The following MAP2 variants were observed in gnomAD, a reference collection of about 807,000 sequenced individuals.
MAP2 encodes microtubule-associated protein 2.
Under a neutral mutation model 137.6 loss-of-function variants are expected in MAP2, and 14 were observed. The observed-to-expected ratio is 0.10, with a 90% confidence interval of 0.07 to 0.16. MAP2 has a LOEUF of 0.16. Among genes scored for constraint, MAP2 ranks in the 10% least tolerant of loss-of-function variants. MAP2 has a pLI of 1.00. For missense variants in MAP2, 2,088 were observed against 2,191.5 expected (o/e 0.95, Z 0.94); for synonymous variants, 786 against 782.3 (o/e 1.00, Z -0.08).
chr2:209,498,937 T>C (rs2198476), intron 1 of MAP2, among the ~76,000 whole-genome samples: 125,155 of 152,110 alleles, frequency 0.82, 52,609 homozygotes, highest in Non-Finnish European at 0.93. Flanking sequence ...GCTGTGAGTG[T>C]TTGGTGGGGT....
intron 3 of MAP2, among the ~76,000 whole-genome samples, chr2:209,597,932 A>G (rs113460840): frequency 6.6e-6 from 1 of 152,004 alleles, no homozygotes; most frequent in African/African-American, 2.4e-5. Flanking sequence ...TCTCTCACTT[A>G]TATTTATCAG....
chr2:209,560,604 T>C (rs1162382190), intron 2 of MAP2, among the ~76,000 whole-genome samples: 1 of 151,724 alleles, frequency 6.6e-6, no homozygotes, highest in Admixed American at 6.6e-5. Flanking sequence ...CCTCAGGCTC[T>C]CAAAGTGCGG....
intron 3 of MAP2, among the ~76,000 whole-genome samples, chr2:209,595,105 A>G (rs2080891748): frequency 1.3e-5 from 2 of 152,188 alleles, no homozygotes; most frequent in South Asian, 2.1e-4. Flanking sequence ...GCACATTGGT[A>G]TATTTTTCAC....
intron 4 of MAP2, among the ~76,000 whole-genome samples, chr2:209,630,171 T>G (rs2092833892): frequency 1.3e-5 from 2 of 151,880 alleles, no homozygotes; most frequent in Admixed American, 6.6e-5. Context: ...GGAAGATTAT[T>G]TTATGGTTGC....
At chr2:209,609,278 A>T (rs1371421152) in intron 3 of MAP2, among the ~76,000 whole-genome samples, 1 of 152,156 alleles carries the variant, frequency 6.6e-6, no homozygotes, top group South Asian at 2.1e-4. Flanking sequence ...TGATTTTTCT[A>T]TCAAAATCAT....
chr2:209,540,756 C>T (rs535885029), intron 2 of MAP2, among the ~76,000 whole-genome samples: 21 of 149,008 alleles, frequency 1.4e-4, no homozygotes, highest in African/African-American at 5.3e-4. Flanking sequence ...CCTAAATACT[C>T]CAAAGTATCT....
At chr2:209,644,179 A>T (rs1479524019) in intron 4 of MAP2, among the ~76,000 whole-genome samples, 3 of 152,194 alleles carry the variant, frequency 2.0e-5, no homozygotes, top group African/African-American at 7.2e-5. Flanking sequence ...ATCACCAAAG[A>T]TCACTTCAGT....
intron 3 of MAP2, among the ~76,000 whole-genome samples, chr2:209,585,847 A>G (rs1039964373): frequency 1.3e-5 from 2 of 152,188 alleles, no homozygotes; most frequent in African/African-American, 4.8e-5. Context: ...TGGTTTCAAA[A>G]TGAGCCTCGG....
intron 1 of MAP2, among the ~76,000 whole-genome samples, chr2:209,486,400 T>C (rs996482445): frequency 3.3e-5 from 5 of 152,090 alleles, no homozygotes; most frequent in Non-Finnish European, 5.9e-5. Flanking sequence ...GTTTTTTGTA[T>C]TTTAGTAGAG....
At chr2:209,463,292 C>A (rs1703312598) in intron 1 of MAP2, among the ~76,000 whole-genome samples, 1 of 152,134 alleles carries the variant, frequency 6.6e-6, no homozygotes, top group Admixed American at 6.5e-5. Flanking sequence ...CATGCTATTT[C>A]TAATTTGTTT....
intron 7 of MAP2, among the ~76,000 whole-genome samples, chr2:209,691,630 C>T (rs1486638250): frequency 6.6e-6 from 1 of 152,116 alleles, no homozygotes; most frequent in East Asian, 1.9e-4. Context: ...GACCTTAAAA[C>T]ACAAGTGGGA....
chr2:209,551,577 G>T (rs1447169760), intron 2 of MAP2, among the ~76,000 whole-genome samples: 1 of 152,150 alleles, frequency 6.6e-6, no homozygotes, highest in Admixed American at 6.5e-5. Context: ...ACGTAGGCAA[G>T]CTGCATAATG....
intron 1 of MAP2, among the ~76,000 whole-genome samples, chr2:209,489,253 A>G (rs1435111305): frequency 6.6e-6 from 1 of 152,220 alleles, no homozygotes; most frequent in African/African-American, 2.4e-5. Flanking sequence ...AACATCAACA[A>G]AAAGGACAAC....
intron 4 of MAP2, among the ~76,000 whole-genome samples, chr2:209,637,376 G>A (rs1156939156): frequency 1.3e-5 from 2 of 152,126 alleles, no homozygotes; most frequent in African/African-American, 2.4e-5. Flanking sequence ...CCAGGAGTCA[G>A]AGGTTGCAGT....
intron 2 of MAP2, among the ~76,000 whole-genome samples, chr2:209,517,182 A>T (rs2062633195): frequency 6.6e-6 from 1 of 152,038 alleles, no homozygotes; most frequent in South Asian, 2.1e-4. Flanking sequence ...CACTGTAGGG[A>T]CTAAGTAGAT....
intron 1 of MAP2, among the ~76,000 whole-genome samples, chr2:209,437,182 TA>T (rs1182201784): frequency 2.0e-5 from 3 of 151,496 alleles, no homozygotes; most frequent in African/African-American, 2.4e-5. Context: ...CCCTTGCACT[TA>T]AAAAAAATGG....
intron 13 of MAP2, among the ~76,000 whole-genome samples, chr2:209,714,411 ACAG>A (rs2066708728): frequency 6.6e-6 from 1 of 152,148 alleles, no homozygotes; most frequent in Non-Finnish European, 1.5e-5. Context: ...ATTAATGACT[ACAG>A]TCAGTCATTT....
chr2:209,653,133 C>A lies in MAP2; in HGVS notation c.-29-9C>A. The A allele has an allele frequency of 6.5e-7, 1 of 1,535,522 alleles. No individual in the cohort carries two copies. On this transcript the variant is annotated splice_polypyrimidine_tract_variant and intron_variant, in intron 4 of 15. Coordinates refer to ENST00000682079, the MANE Select transcript of MAP2 (RefSeq NM_001375505.1). ...CCCAAAGTAATAGCTACTATTTTTT[C>A]TCTTTCAGTTGCAGGAGAAATAACA... is the stretch of plus-strand genomic sequence containing the variant.
At position 209,499,527 on chromosome 2, in the gene MAP2, C is replaced by T. The variant is rs183999139; in HGVS notation, c.-221-8065C>T. On this transcript the variant is annotated intron_variant, in intron 1 of 15. Coordinates refer to ENST00000682079, the MANE Select transcript of MAP2 (RefSeq NM_001375505.1). ...ACATTTCCATGTATCTTTATAGCAA[C>T]ACCCCACTCTTCAGTTCAATGTATT... Among the ~76,000 whole-genome samples, 3 of 152,244 alleles carry T rather than the reference C, an allele frequency of 2.0e-5. No individual in the cohort carries two copies. In the East Asian group the frequency reaches 5.8e-4, roughly 29 times the overall value.
Sources: allele counts gnomAD v4.1 joint callset (sites outside exome capture counted in the v4.1 genomes callset), GRCh38; gene constraint gnomAD v4.1.1; transcripts MANE v1.5; gene names NCBI Gene and HGNC (gene_info 2026-07-23, HGNC 2026-07-21).